Variants in DNAAF10 observed in about 807,000 individuals in gnomAD.
DNAAF10 encodes the protein WD repeat domain 92.
DNAAF10 carries 28 observed loss-of-function variants against 43.7 expected under a neutral mutation model. That is an observed-to-expected ratio of 0.64 (90% CI 0.48 to 0.88). The LOEUF (loss-of-function observed/expected upper bound fraction) is 0.88, where lower values mean the gene tolerates loss of function less well. Among genes scored for constraint, DNAAF10 ranks in the 40% least tolerant of loss-of-function variants. The probability of loss-of-function intolerance (pLI) is 0.00; values close to 1 mark genes in which losing one functional copy is unlikely to be tolerated. For synonymous variants in DNAAF10, 156 were observed against 157.3 expected, an observed-to-expected ratio of 0.99 and a Z score of 0.06; for missense variants, 403 against 439.1, an observed-to-expected ratio of 0.92 and a Z score of 0.73.
At chr2:68,145,720 G>C (rs1349782348) in intron 2 of DNAAF10, among the ~76,000 whole-genome samples, 1 of 152,174 alleles carries the variant, frequency 6.6e-6, no homozygotes, top group Non-Finnish European at 1.5e-5. Context: ...AGGCATTCAG[G>C]AAAGTACTGA....
chr2:68,135,767 A>G (rs536847777), intron 6 of DNAAF10, among the ~76,000 whole-genome samples: 26 of 152,370 alleles, frequency 1.7e-4, no homozygotes, highest in African/African-American at 6.3e-4. Context: ...ATTAGGTTCA[A>G]GCTGTCGAAA....
chr2:68,137,958 A>C lies in DNAAF10; in HGVS notation c.634-525T>G, dbSNP rs369630498. 7.8e-4 allele frequency among the ~76,000 whole-genome samples: 118 copies of C among 150,672 alleles called. No individual in the cohort carries two copies. The East Asian group carries it at 9.9e-3, about 13-fold the overall frequency. On this transcript the variant is annotated intron_variant, in intron 5 of 7. Transcript: ENST00000295121. ...GGGAGGCCAAGGCAGGCAGATCATG[A>C]GGTCAGGAGATTGAGACCATCCTGG... is the stretch of plus-strand genomic sequence containing the variant.
At chr2:68,157,189 C>A in intron 1 of DNAAF10, 72 bp downstream of exon 1, 1 of 1,528,826 alleles carries the variant, frequency 6.5e-7, no homozygotes, top group Non-Finnish European at 8.8e-7. Flanking sequence ...AAGGCTCTGG[C>A]AAAGAGGAAT....
At chr2:68,156,992 C>G (rs1432803537) in intron 1 of DNAAF10, 14 of 535,048 alleles carry the variant, frequency 2.6e-5, no homozygotes, top group African/African-American at 3.8e-5. Context: ...GTTGCCTCTT[C>G]CAACCACACT....
intron 4 of DNAAF10, 74 bp from the exon 5 acceptor site, chr2:68,138,931 G>A (rs556272201): frequency 2.0e-6 from 2 of 1,025,452 alleles, no homozygotes; most frequent in Admixed American, 1.9e-5. Flanking sequence ...AAAGTCTTAT[G>A]AAACTAACAT....
In DNAAF10 at chr2:68,157,502, C is replaced by T. The variant is rs536259123; in HGVS notation, c.-59G>A. On this transcript the variant is annotated 5_prime_UTR_variant, in exon 1 of 8. Transcript: ENST00000295121. ...ACCCAGAGCCCCCAAAAACGGCAAC[C>T]TGGAAACCAGACTCCAAACATTGGC... 9.3e-6 allele frequency: 15 copies of T among 1,611,328 alleles called. 1 individual carries two copies. The South Asian group carries it at 1.5e-4, about 17-fold the overall frequency.
chr2:68,157,084 G>C, intron 1 of DNAAF10, 177 bp downstream of exon 1: 1 of 893,700 alleles, frequency 1.1e-6, no homozygotes. Flanking sequence ...CCCCGCGGAT[G>C]AGAAGAAAGG....
intron 7 of DNAAF10, among the ~76,000 whole-genome samples, chr2:68,132,613 A>C (rs756782409): frequency 6.6e-6 from 1 of 152,274 alleles, no homozygotes; most frequent in Non-Finnish European, 1.5e-5. Flanking sequence ...CAAGTCGTGA[A>C]TAACTAGATG....
rs1673104920 is a variant in DNAAF10 at position 68,138,738 on chromosome 2, T to C, written c.633+4A>G. The C allele has an allele frequency of 6.2e-7, 1 of 1,604,408 alleles. No homozygotes were observed. The highest frequency in any genetic ancestry group is 1.3e-5 in the African/African-American group (1 of 74,718). On this transcript the variant is annotated splice_donor_region_variant and intron_variant, in intron 5 of 7. Transcript: ENST00000295121. ...AAACCAAAAAGCCTCAGAATGTACT[T>C]TACCCCATTTTTGATGTTTGTCTCC...
At chr2:68,156,455 C>A (rs1012431496) in intron 1 of DNAAF10, among the ~76,000 whole-genome samples, 1 of 152,152 alleles carries the variant, frequency 6.6e-6, no homozygotes, top group Non-Finnish European at 1.5e-5. Flanking sequence ...CTATAAACAG[C>A]TATAAAATGC....
At position 68,134,735 on chromosome 2, in the gene DNAAF10, G is replaced by T; in HGVS notation, c.833C>A (p.Ala278Asp). 1 of 1,608,862 alleles carries T rather than the reference G, an allele frequency of 6.2e-7. No individual in the cohort carries two copies. The highest frequency in any genetic ancestry group is 8.5e-7 in the Non-Finnish European group (1 of 1,178,756). ...GAGGTGAAGGCCGCCGGCGCCTCCA[G>T]CTGTCAGAAAGAGCTCCCTGTTCTG... ...LPQNRELFLT[A>D]GGAGGLHLWK... The change falls in exon 7 of 8, where the codon GCT becomes GAT. Residue 278 changes from alanine to aspartate, a missense_variant. Ala to Asp is a moderately radical substitution (Grantham distance 126). Transcript: ENST00000295121.
intron 1 of DNAAF10, among the ~76,000 whole-genome samples, chr2:68,147,888 G>A (rs1364774557): frequency 6.6e-6 from 1 of 152,172 alleles, no homozygotes; most frequent in Non-Finnish European, 1.5e-5. Context: ...ATCCTCAGCA[G>A]AAATGAGAAC....
intron 1 of DNAAF10, among the ~76,000 whole-genome samples, chr2:68,147,807 C>A (rs1193105666): frequency 6.6e-6 from 1 of 152,156 alleles, no homozygotes; most frequent in African/African-American, 2.4e-5. Context: ...ATGAGACATT[C>A]AAATGCTGAC....
chr2:68,138,527 G>A (rs910253528), intron 5 of DNAAF10, among the ~76,000 whole-genome samples: 1 of 152,162 alleles, frequency 6.6e-6, no homozygotes, highest in African/African-American at 2.4e-5. Context: ...CTCCCCCAAC[G>A]CTGTGCAAAC....
intron 4 of DNAAF10, among the ~76,000 whole-genome samples, chr2:68,140,975 G>C (rs62145932): frequency 0.41 from 62,216 of 151,890 alleles, 13,071 homozygotes; most frequent in South Asian, 0.62. Flanking sequence ...AAGTATACGG[G>C]AGGATGTGTT....
At chr2:68,139,841 T>A (rs904667142) in intron 4 of DNAAF10, among the ~76,000 whole-genome samples, 1 of 151,794 alleles carries the variant, frequency 6.6e-6, no homozygotes. Flanking sequence ...TTCTACTATA[T>A]CTGCAAAGGC....
At chr2:68,145,594 C>T (rs1217950650) in intron 2 of DNAAF10, among the ~76,000 whole-genome samples, 1 of 152,126 alleles carries the variant, frequency 6.6e-6, no homozygotes, top group African/African-American at 2.4e-5. Flanking sequence ...ACTATTTTCC[C>T]ACTGAAGTCC....
chr2:68,150,163 TA>T, intron 1 of DNAAF10, among the ~76,000 whole-genome samples: 1 of 152,192 alleles, frequency 6.6e-6, no homozygotes. Context: ...TACAGTCTTC[TA>T]AAATTTTACT....
rs1454491611 is a variant in DNAAF10 at position 68,141,841 on chromosome 2, TTA to T, written c.416-48_416-47del. The T allele has an allele frequency of 8.8e-6, 13 of 1,472,770 alleles. No individual in the cohort carries two copies. In the East Asian group the frequency reaches 2.0e-4, roughly 23 times the overall value. The allele number at this position is 1,472,770 out of a possible 1,614,324, so 91.2% of individuals were successfully genotyped here. Reference sequence around the variant, plus strand: ...TTGGCAAAAATTCAAAAGTAAATGATTATGTTTCTTTTCTACATTCTTCTTCT... The same window carrying T: ...TTGGCAAAAATTCAAAAGTAAATGATTGTTTCTTTTCTACATTCTTCTTCT... On this transcript the variant is annotated intron_variant, in intron 3 of 7. Transcript: ENST00000295121.
Sources: gnomAD v4.1 joint callset for allele counts (sites outside exome capture counted in the v4.1 genomes callset) on GRCh38, gnomAD v4.1.1 for gene constraint, MANE v1.5 for transcripts, NCBI Gene and HGNC (gene_info 2026-07-23, HGNC 2026-07-21) for gene names.